Variants in ZNF786 observed in about 807,000 individuals in gnomAD.
ZNF786 encodes the protein zinc finger protein 786.
In ZNF786, 56 loss-of-function variants were observed where a neutral mutation model predicts 63.1. That is an observed-to-expected ratio of 0.89 (90% CI 0.72 to 1.11). The LOEUF (loss-of-function observed/expected upper bound fraction) is 1.11, where lower values mean the gene tolerates loss of function less well. Ranked by LOEUF, ZNF786 falls within the 50% of genes least tolerant of loss-of-function variation. The pLI is 0.00. For synonymous variants in ZNF786, 485 were observed against 406.9 expected (o/e 1.19, Z -2.31); for missense variants, 1,213 against 1,041.8 (o/e 1.16, Z -2.26).
chr7:149,075,103 A>G (rs1825520902), intron 2 of ZNF786, among the ~76,000 whole-genome samples: 1 of 152,190 alleles, frequency 6.6e-6, no homozygotes, highest in African/African-American at 2.4e-5. Flanking sequence ...TGCTGGGATT[A>G]CAGGCATAAA....
intron 2 of ZNF786, among the ~76,000 whole-genome samples, chr7:149,079,650 AACCCCCGCC>A (rs1825619067): frequency 7.0e-6 from 1 of 142,254 alleles, no homozygotes; most frequent in African/African-American, 2.6e-5. Flanking sequence ...AGCTCACTGC[AACCCCCGCC>A]TCCCAGGTTC....
intron 1 of ZNF786, 102 bp downstream of exon 1, chr7:149,090,521 C>A: frequency 7.7e-7 from 1 of 1,290,924 alleles, no homozygotes; most frequent in Non-Finnish European, 1.0e-6. Flanking sequence ...CCTACCCGTG[C>A]ACCGCGCGCA....
Position 149,090,428 on chromosome 7 carries a change from G to C in ZNF786, c.18+195C>G, listed in dbSNP as rs531347030. ...GGCTTTGTCCAGGGGTTTGGCCACGGACAAGCCGCGGGAGCGGAGGCCACC... is the reference window on the plus strand; with the variant it reads ...GGCTTTGTCCAGGGGTTTGGCCACGCACAAGCCGCGGGAGCGGAGGCCACC... On this transcript the variant is annotated intron_variant, in intron 1 of 3. Transcript: ENST00000491431. Among the ~76,000 whole-genome samples the C allele has an allele frequency of 3.0e-4, 45 of 152,320 alleles. 1 individual carries two copies. In the South Asian group the frequency reaches 8.9e-3, roughly 30 times the overall value.
At position 149,073,773 on chromosome 7, in the gene ZNF786, A is replaced by G. The variant is rs1301702253; in HGVS notation, c.298+613T>C. ...TATATATATATATATATATATATATATATATATGTATATATATATAGTTTT... is the reference window on the plus strand; with the variant it reads ...TATATATATATATATATATATATATGTATATATGTATATATATATAGTTTT... On this transcript the variant is annotated intron_variant, in intron 3 of 3. Transcript: ENST00000491431. Among the ~76,000 whole-genome samples the G allele has an allele frequency of 1.3e-4, 14 of 109,608 alleles. 1 individual carries two copies. In the South Asian group the frequency reaches 3.2e-3, roughly 25 times the overall value. The allele number at this position is 109,608 out of a possible 152,430, so 71.9% of individuals were successfully genotyped here. A position where few individuals can be genotyped will look rare whatever the true frequency, so the allele number is the denominator to read the frequency against.
chr7:149,084,399 G>A (rs976713618), intron 1 of ZNF786, among the ~76,000 whole-genome samples: 4 of 147,728 alleles, frequency 2.7e-5, no homozygotes, highest in African/African-American at 1.0e-4. Flanking sequence ...AGTTCTTTGA[G>A]AAATCACCAA....
chr7:149,075,124 CAGCCTTCAATATTCTTAA>C (rs1825521336), intron 2 of ZNF786, among the ~76,000 whole-genome samples: 1 of 152,298 alleles, frequency 6.6e-6, no homozygotes, highest in African/African-American at 2.4e-5. Context: ...CCACTGCGCC[CAGCCTTCAATATTCTTAA>C]TAGTGATTTA....
At chr7:149,090,295 C>A (rs540511261) in intron 1 of ZNF786, among the ~76,000 whole-genome samples, 1 of 152,376 alleles carries the variant, frequency 6.6e-6, no homozygotes, top group South Asian at 2.1e-4. Context: ...CCTGTAACAT[C>A]CACCTCTGGC....
At position 149,072,446 on chromosome 7, in the gene ZNF786, T is replaced by A; in HGVS notation, c.326A>T (p.Lys109Ile). Residue 109 changes from lysine (K) to isoleucine (I), a missense_variant, in exon 4 of 4, where the codon AAA becomes ATA. Lys to Ile is a moderately radical substitution (Grantham distance 102). Transcript: ENST00000491431. ...WGSQQAMNSG[K>I]TKSHFQLDPE... ...ATCTAATTGGAAATGGCTTTTAGTT[T>A]TTCCTGAATTCATAGCCTGCTGGCT... 6.3e-7 allele frequency: 1 copy of A among 1,598,446 alleles called. No individual in the cohort carries two copies. Among genetic ancestry groups the A allele is most frequent in the Non-Finnish European group, 8.5e-7 (1 of 1,173,620 alleles).
In ZNF786 at chr7:149,073,724, CGTGTGTGTGT is replaced by C. The variant is rs375323153; in HGVS notation, c.298+652_298+661del. Among the ~76,000 whole-genome samples, 92 of 67,900 alleles carry C rather than the reference CGTGTGTGTGT, an allele frequency of 1.4e-3. 1 individual carries two copies. The highest frequency in any genetic ancestry group is 3.8e-3 in the African/African-American group (85 of 22,170). 44.5% of individuals were successfully genotyped at this position (67,900 alleles called of 152,430 possible). A position where few individuals can be genotyped will look rare whatever the true frequency, so the allele number is the denominator to read the frequency against. Reference sequence around the variant, plus strand: ...ATACACGTGTGTGTGTATATGTGTGCGTGTGTGTGTGTGTGTGTGTGTGTATATATATATA... The same window carrying C: ...ATACACGTGTGTGTGTATATGTGTGCGTGTGTGTGTGTGTATATATATATA... On this transcript the variant is annotated intron_variant, in intron 3 of 3. Transcript: ENST00000491431.
chr7:149,083,044 C>T (rs1481486157), intron 1 of ZNF786, among the ~76,000 whole-genome samples: 1 of 151,728 alleles, frequency 6.6e-6, no homozygotes, highest in Non-Finnish European at 1.5e-5. Flanking sequence ...TACAGGCACA[C>T]GCCACCACAC....
chr7:149,082,470 A>G, intron 1 of ZNF786: 2 of 823,766 alleles, frequency 2.4e-6, no homozygotes, highest in Non-Finnish European at 2.9e-6. Flanking sequence ...ATATTTGTTA[A>G]TTTAAAACAC....
At chr7:149,076,240 G>A (rs1008628255) in intron 2 of ZNF786, among the ~76,000 whole-genome samples, 4 of 151,482 alleles carry the variant, frequency 2.6e-5, no homozygotes, top group South Asian at 4.2e-4. Context: ...TCAGTCTCCC[G>A]AGTAGCTGGG....
intron 1 of ZNF786, among the ~76,000 whole-genome samples, chr7:149,086,589 T>C (rs946577002): frequency 3.3e-5 from 5 of 151,180 alleles, no homozygotes; most frequent in African/African-American, 9.7e-5. Context: ...TATCACACCA[T>C]TGCACTCCAG....
At position 149,080,711 on chromosome 7, in the gene ZNF786, G is replaced by A. The variant is rs1248775737; in HGVS notation, c.25C>T (p.Leu9=). The part of the protein sequence containing the change: MAEPPRLP[L]TFEDVAIYFS... ...TAAATAGCAACATCCTCAAAAGTCA[G>A]AGGTAGCTGAAATTGTAGACATAAG... Residue 9 remains leucine (L), a synonymous_variant, in exon 2 of 4, where the codon CTG becomes TTG. Coordinates refer to ENST00000491431, the MANE Select transcript of ZNF786 (RefSeq NM_152411.4). 6.2e-7 allele frequency: 1 copy of A among 1,604,314 alleles called. No homozygotes were observed. Among genetic ancestry groups the A allele is most frequent in the Non-Finnish European group, 8.5e-7 (1 of 1,177,234 alleles).
At chr7:149,073,728 T>TGC (rs1563137433) in intron 3 of ZNF786, among the ~76,000 whole-genome samples, 4 of 58,984 alleles carry the variant, frequency 6.8e-5, no homozygotes, top group Non-Finnish European at 9.6e-5. Flanking sequence ...TGTGTGCGTG[T>TGC]GTGTGTGTGT....
chr7:149,090,167 G>T (rs555720631), intron 1 of ZNF786, among the ~76,000 whole-genome samples: 2 of 152,158 alleles, frequency 1.3e-5, no homozygotes, highest in South Asian at 4.1e-4. Context: ...CCCAAATCAC[G>T]CTAGACAATA....
intron 1 of ZNF786, among the ~76,000 whole-genome samples, chr7:149,085,880 C>G (rs1394254237): frequency 1.3e-5 from 2 of 152,070 alleles, no homozygotes; most frequent in Non-Finnish European, 2.9e-5. Flanking sequence ...TGGCTTTTAG[C>G]TTGGATGTTG....
chr7:149,071,754 G>A lies in ZNF786; in HGVS notation c.1018C>T (p.Gln340Ter). The stretch of plus-strand genomic sequence containing the variant: ...TGGGGCAGGCGCGAGCCTGGTTTCT[G>A]TCCCGAGTGCACACTGCTGGAGGCC... ...RGASSSVHSG[Q>*]KPGSRLPQEG... is the part of the protein sequence containing the mutation. Residue 340 changes from glutamine to a stop codon, truncating the protein, a stop_gained, in exon 4 of 4, where the codon CAG (glutamine) becomes TAG (stop). Transcript: ENST00000491431. LOFTEE classifies it high-confidence loss of function. 5 of 1,588,988 alleles carry A rather than the reference G, an allele frequency of 3.1e-6. No homozygotes were observed. Among genetic ancestry groups the A allele is most frequent in the Non-Finnish European group, 4.3e-6 (5 of 1,174,842 alleles).
chr7:149,073,165 G>T (rs1825462439), intron 3 of ZNF786, among the ~76,000 whole-genome samples: 1 of 152,084 alleles, frequency 6.6e-6, no homozygotes, highest in Non-Finnish European at 1.5e-5. Context: ...GTAATTTGTG[G>T]GGGAAAAACC....
Sources: allele counts gnomAD v4.1 joint callset (sites outside exome capture counted in the v4.1 genomes callset), GRCh38; gene constraint gnomAD v4.1.1; transcripts MANE v1.5; gene names NCBI Gene and HGNC (gene_info 2026-07-23, HGNC 2026-07-21).